The following FOXN3 variants were observed in gnomAD, a reference collection of about 807,000 sequenced individuals.
FOXN3 encodes the protein forkhead box N3.
A neutral mutation model predicts 38.4 loss-of-function variants in FOXN3; 7 were observed. The ratio of observed to expected loss-of-function variants is 0.18; its 90% confidence interval spans 0.10 to 0.34. The LOEUF (loss-of-function observed/expected upper bound fraction) is 0.34, where lower values mean the gene tolerates loss of function less well. FOXN3 is among the 10% of genes least tolerant of loss of function. FOXN3 has a pLI of 1.00. For synonymous variants in FOXN3, 230 were observed against 242.2 expected (o/e 0.95, Z 0.47); for missense variants, 456 against 613.4 (o/e 0.74, Z 2.71).
intron 5 of FOXN3, among the ~76,000 whole-genome samples, chr14:89,170,919 GAAGA>G (rs947945508): frequency 4.6e-5 from 7 of 151,828 alleles, no homozygotes; most frequent in African/African-American, 1.7e-4. Context: ...TATAGAAAAA[GAAGA>G]AAGGCTTGAA....
chr14:89,372,523 T>A (rs1890350662), intron 2 of FOXN3, among the ~76,000 whole-genome samples: 1 of 152,178 alleles, frequency 6.6e-6, no homozygotes, highest in African/African-American at 2.4e-5. Flanking sequence ...GAGTTGATAT[T>A]AACTACATTT....
At chr14:89,175,677 T>C (rs1456814198) in intron 5 of FOXN3, among the ~76,000 whole-genome samples, 2 of 152,124 alleles carry the variant, frequency 1.3e-5, no homozygotes, top group African/African-American at 2.4e-5. Context: ...GGAAATGTGG[T>C]TCCTGAGTTC....
chr14:89,508,664 C>T (rs1206301870), intron 1 of FOXN3, among the ~76,000 whole-genome samples: 2 of 152,182 alleles, frequency 1.3e-5, no homozygotes, highest in Non-Finnish European at 2.9e-5. Context: ...GCTTCTGATG[C>T]CCAAAGTCAC....
chr14:89,289,157 G>A (rs1166905112), intron 3 of FOXN3, among the ~76,000 whole-genome samples: 1 of 145,758 alleles, frequency 6.9e-6, no homozygotes, highest in Non-Finnish European at 1.5e-5. Flanking sequence ...ACTCCAGCCT[G>A]GGTGACAGAG....
At chr14:89,358,177 C>T (rs1200538734) in intron 2 of FOXN3, among the ~76,000 whole-genome samples, 1 of 152,238 alleles carries the variant, frequency 6.6e-6, no homozygotes, top group Non-Finnish European at 1.5e-5. Flanking sequence ...ACAAAAGCAA[C>T]CATCAATGTA....
intron 3 of FOXN3, chr14:89,350,466 A>C: frequency 2.5e-6 from 1 of 407,394 alleles, no homozygotes; most frequent in East Asian, 3.7e-5. Context: ...GCCTTCTGGA[A>C]GCACATTCCT....
chr14:89,288,635 A>C (rs1886713420), intron 3 of FOXN3, among the ~76,000 whole-genome samples: 1 of 137,408 alleles, frequency 7.3e-6, no homozygotes, highest in African/African-American at 2.7e-5. Flanking sequence ...AAAAATGGAA[A>C]CGACATACTC....
intron 1 of FOXN3, among the ~76,000 whole-genome samples, chr14:89,465,374 C>T (rs1370854164): frequency 6.6e-6 from 1 of 152,154 alleles, no homozygotes; most frequent in Non-Finnish European, 1.5e-5. Flanking sequence ...GGACTACAGG[C>T]ACCCGCCACC....
At chr14:89,471,021 A>C (rs570339345) in intron 1 of FOXN3, among the ~76,000 whole-genome samples, 1 of 152,264 alleles carries the variant, frequency 6.6e-6, no homozygotes, top group East Asian at 1.9e-4. Context: ...CACAGTGAAC[A>C]TGTAGGAGGG....
At chr14:89,426,573 C>T (rs895591655) in intron 1 of FOXN3, among the ~76,000 whole-genome samples, 3 of 151,946 alleles carry the variant, frequency 2.0e-5, no homozygotes, top group African/African-American at 4.8e-5. Context: ...AGGGTGAATT[C>T]GCAAATACAA....
intron 2 of FOXN3, among the ~76,000 whole-genome samples, chr14:89,379,167 A>T (rs1196955724): frequency 6.6e-6 from 1 of 152,220 alleles, no homozygotes; most frequent in African/African-American, 2.4e-5. Context: ...GCCCAAGAGC[A>T]TGCAGCTACT....
At chr14:89,291,668 G>T in intron 3 of FOXN3, 1 of 426,040 alleles carries the variant, frequency 2.3e-6, no homozygotes, top group Non-Finnish European at 4.5e-6. Flanking sequence ...CTCTTCCTGT[G>T]GCCCTTATTG....
intron 1 of FOXN3, among the ~76,000 whole-genome samples, chr14:89,438,700 T>A (rs1410549203): frequency 6.6e-6 from 1 of 152,242 alleles, no homozygotes; most frequent in Admixed American, 6.5e-5. Context: ...ATATACTTCC[T>A]TGTGTTTTCT....
chr14:89,509,344 G>C (rs1409144010), intron 1 of FOXN3, among the ~76,000 whole-genome samples: 1 of 151,900 alleles, frequency 6.6e-6, no homozygotes, highest in Non-Finnish European at 1.5e-5. Flanking sequence ...TTGTTTGTTT[G>C]TTTGTTTTAA....
chr14:89,271,326 G>A (rs142981394), intron 4 of FOXN3, among the ~76,000 whole-genome samples: 63 of 152,278 alleles, frequency 4.1e-4, no homozygotes, highest in African/African-American at 1.4e-3. Context: ...GAATTTCAAG[G>A]GGAATGACTT....
At chr14:89,386,952 G>A (rs988276095) in intron 2 of FOXN3, among the ~76,000 whole-genome samples, 5 of 152,092 alleles carry the variant, frequency 3.3e-5, no homozygotes, top group African/African-American at 7.2e-5. Context: ...GAGGGTTTGC[G>A]CTTCAACATA....
chr14:89,410,334 T>C (rs1431745644), intron 2 of FOXN3, among the ~76,000 whole-genome samples: 1 of 152,126 alleles, frequency 6.6e-6, no homozygotes, highest in Non-Finnish European at 1.5e-5. Flanking sequence ...ACAACAGTGG[T>C]CCTGCGCCCG....
intron 4 of FOXN3, among the ~76,000 whole-genome samples, chr14:89,246,360 A>G (rs2139872626): frequency 6.6e-6 from 1 of 152,166 alleles, no homozygotes; most frequent in Non-Finnish European, 1.5e-5. Context: ...GGAAGGTTAA[A>G]GGCCATCAGG....
At chr14:89,338,502 G>T (rs1313103537) in intron 3 of FOXN3, among the ~76,000 whole-genome samples, 1 of 152,090 alleles carries the variant, frequency 6.6e-6, no homozygotes, top group Non-Finnish European at 1.5e-5. Context: ...GGCCAAACTG[G>T]TATGCAGCCG....
Sources: allele counts gnomAD v4.1 joint callset (sites outside exome capture counted in the v4.1 genomes callset), GRCh38; gene constraint gnomAD v4.1.1; transcripts MANE v1.5; gene names NCBI Gene and HGNC (gene_info 2026-07-23, HGNC 2026-07-21).